ITGA9: variants seen among roughly 807,000 people sequenced by gnomAD.
ITGA9 encodes integrin alpha-9.
ITGA9 carries 56 observed loss-of-function variants against 127.8 expected under a neutral mutation model. That is an observed-to-expected ratio of 0.44 (90% CI 0.35 to 0.55). The LOEUF (loss-of-function observed/expected upper bound fraction) is 0.55, where lower values mean the gene tolerates loss of function less well. Ranked by LOEUF, ITGA9 falls within the 20% of genes least tolerant of loss-of-function variation. ITGA9 has a pLI of 0.00. For missense variants in ITGA9, 1,196 were observed against 1,347.1 expected (o/e 0.89, Z 1.76); for synonymous variants, 508 against 514.5 (o/e 0.99, Z 0.17).
At chr3:37,657,812 T>C (rs1485820292) in intron 17 of ITGA9, among the ~76,000 whole-genome samples, 1 of 152,214 alleles carries the variant, frequency 6.6e-6, no homozygotes, top group Non-Finnish European at 1.5e-5. Flanking sequence ...TCTTTCCTGC[T>C]TTCTCCTGTG....
chr3:37,740,094 G>A (rs1291862396), intron 20 of ITGA9, among the ~76,000 whole-genome samples: 1 of 152,234 alleles, frequency 6.6e-6, no homozygotes, highest in Non-Finnish European at 1.5e-5. Context: ...AGAACAATAG[G>A]AGGGAGAAGG....
chr3:37,590,668 C>T (rs1699806655), intron 15 of ITGA9, among the ~76,000 whole-genome samples: 1 of 151,848 alleles, frequency 6.6e-6, no homozygotes, highest in African/African-American at 2.4e-5. Flanking sequence ...CTGGAAGGCT[C>T]TCTTGGGTTC....
In ITGA9 at chr3:37,603,723, CA is replaced by C. The variant is rs1694489544; in HGVS notation, c.1690-25463del. ...ACCCCCCTATACCCAGTGTGCCAGA[CA>C]TCATCATGAGATGTAACTCCTTTCA... On this transcript the variant is annotated intron_variant, in intron 15 of 27. Transcript: ENST00000264741. 3.3e-5 allele frequency among the ~76,000 whole-genome samples: 5 copies of C among 152,366 alleles called. No homozygotes were observed. The South Asian group carries it at 1.0e-3, about 32-fold the overall frequency.
intron 15 of ITGA9, among the ~76,000 whole-genome samples, chr3:37,585,796 G>C (rs2364183): frequency 0.27 from 41,433 of 151,754 alleles, 6,324 homozygotes; most frequent in East Asian, 0.46. Flanking sequence ...GAAGAAGGGG[G>C]CCCCCCCAAT....
At chr3:37,753,304 A>ACTCACTGT (rs1251802873) in intron 23 of ITGA9, among the ~76,000 whole-genome samples, 11 of 152,182 alleles carry the variant, frequency 7.2e-5, no homozygotes, top group Non-Finnish European at 1.3e-4. Flanking sequence ...CTGCCCCAGA[A>ACTCACTGT]CTCACTGTCT....
intron 27 of ITGA9, chr3:37,818,580 T>G: frequency 2.7e-6 from 1 of 372,530 alleles, no homozygotes; most frequent in Non-Finnish European, 5.1e-6. Context: ...CTTTTTTTAC[T>G]CCCAAACACC....
chr3:37,669,698 TTTG>T (rs1465127098), intron 17 of ITGA9, among the ~76,000 whole-genome samples: 3 of 152,166 alleles, frequency 2.0e-5, no homozygotes, highest in Non-Finnish European at 4.4e-5. Flanking sequence ...TGCAGAGGAT[TTTG>T]TTATTTTTAT....
At chr3:37,543,135 A>G (rs1474063634) in intron 15 of ITGA9, among the ~76,000 whole-genome samples, 1 of 152,052 alleles carries the variant, frequency 6.6e-6, no homozygotes, top group African/African-American at 2.4e-5. Flanking sequence ...CTCCTCTTGA[A>G]ATTGTTTGTT....
intron 17 of ITGA9, among the ~76,000 whole-genome samples, chr3:37,667,869 C>G (rs1456930291): frequency 6.6e-6 from 1 of 152,158 alleles, no homozygotes; most frequent in East Asian, 1.9e-4. Flanking sequence ...GCAATTTGAC[C>G]CATGGGCCCT....
At chr3:37,699,240 C>T (rs1446090078) in intron 18 of ITGA9, among the ~76,000 whole-genome samples, 1 of 152,192 alleles carries the variant, frequency 6.6e-6, no homozygotes, top group Non-Finnish European at 1.5e-5. Context: ...ATTTTCCCCT[C>T]CAGCCCAGAG....
At chr3:37,704,119 AGTGCCAGGTGCTTT>A (rs1700977271) in intron 18 of ITGA9, among the ~76,000 whole-genome samples, 1 of 152,170 alleles carries the variant, frequency 6.6e-6, no homozygotes, top group Non-Finnish European at 1.5e-5. Context: ...TACCCTCTGG[AGTGCCAGGTGCTTT>A]GTGAATTAGA....
At chr3:37,661,834 G>T (rs1700539954) in intron 17 of ITGA9, among the ~76,000 whole-genome samples, 1 of 152,322 alleles carries the variant, frequency 6.6e-6, no homozygotes, top group Non-Finnish European at 1.5e-5. Flanking sequence ...TTACTCCAGG[G>T]CTCTGGAGCA....
At chr3:37,680,512 G>A (rs983311103) in intron 17 of ITGA9, among the ~76,000 whole-genome samples, 6 of 152,146 alleles carry the variant, frequency 3.9e-5, no homozygotes, top group African/African-American at 1.4e-4. Flanking sequence ...CCAAGGTTTG[G>A]GGATTGGCAG....
rs144169784 is a variant in ITGA9, at chr3:37,513,057, A to G, written c.898-706A>G. On this transcript the variant is annotated intron_variant, in intron 8 of 27. Coordinates refer to ENST00000264741, the MANE Select transcript of ITGA9 (RefSeq NM_002207.3). ...CCTAACCAATCTTTCACCTGTGCAT[A>G]GGACCAGGAGAGAATAACCTATTTC... Among the ~76,000 whole-genome samples, 12 of 152,356 alleles carry G rather than the reference A, an allele frequency of 7.9e-5. No individual in the cohort carries two copies. The East Asian group carries it at 2.3e-3, about 29-fold the overall frequency.
In ITGA9 at chr3:37,821,060, T is replaced by G. The variant is rs1697508745; in HGVS notation, c.*2071T>G. ...TTTTGGTTTCTTATGCAGTTGACTC[T>G]GCTGCAGGGAGATTACAGATGTAAC... On this transcript the variant is annotated 3_prime_UTR_variant, in exon 28 of 28. Coordinates refer to ENST00000264741, the MANE Select transcript of ITGA9 (RefSeq NM_002207.3). 6.6e-6 allele frequency: 1 copy of G among 152,180 alleles called. No individual in the cohort carries two copies. Among genetic ancestry groups the G allele is most frequent in the East Asian group, 1.9e-4 (1 of 5,204 alleles). 9.4% of individuals were successfully genotyped at this position (152,180 alleles called of 1,614,324 possible). A position where few individuals can be genotyped will look rare whatever the true frequency, so the allele number is the denominator to read the frequency against.
At chr3:37,557,147 T>C (rs989374159) in intron 15 of ITGA9, among the ~76,000 whole-genome samples, 1 of 152,210 alleles carries the variant, frequency 6.6e-6, no homozygotes, top group African/African-American at 2.4e-5. Flanking sequence ...AAGCTCTTAT[T>C]AAGCAGAAAA....
chr3:37,601,737 C>G (rs544260642), intron 15 of ITGA9, among the ~76,000 whole-genome samples: 3 of 152,306 alleles, frequency 2.0e-5, no homozygotes, highest in South Asian at 2.1e-4. Flanking sequence ...ACATATGTAT[C>G]AGAACTTGTA....
chr3:37,687,215 A>G (rs536050739), intron 18 of ITGA9, among the ~76,000 whole-genome samples: 1 of 152,352 alleles, frequency 6.6e-6, no homozygotes, highest in South Asian at 2.1e-4. Context: ...AATAAATGTT[A>G]TGGATGGGAT....
At chr3:37,668,813 G>A (rs1353384067) in intron 17 of ITGA9, among the ~76,000 whole-genome samples, 1 of 152,206 alleles carries the variant, frequency 6.6e-6, no homozygotes, top group African/African-American at 2.4e-5. Flanking sequence ...GCTCTTCACG[G>A]ATGAAAAGCC....
Sources: allele counts gnomAD v4.1 joint callset (sites outside exome capture counted in the v4.1 genomes callset), GRCh38; gene constraint gnomAD v4.1.1; transcripts MANE v1.5; gene names NCBI Gene and HGNC (gene_info 2026-07-23, HGNC 2026-07-21).